WNK1: variants seen among roughly 807,000 people sequenced by gnomAD.
WNK1 encodes the protein WNK lysine deficient protein kinase 1.
WNK1 carries 38 observed loss-of-function variants against 222.8 expected under a neutral mutation model. The ratio of observed to expected loss-of-function variants is 0.17; its 90% confidence interval spans 0.13 to 0.22. WNK1 has a LOEUF of 0.22. Ranked by LOEUF, WNK1 falls within the 10% of genes least tolerant of loss-of-function variation. WNK1 has a pLI of 1.00. For missense variants in WNK1, 2,348 were observed against 2,918.4 expected, an observed-to-expected ratio of 0.80 and a Z score of 4.50; for synonymous variants, 1,090 against 1,092.9, an observed-to-expected ratio of 1.00 and a Z score of 0.05.
At chr12:865,461 T>C in intron 8 of WNK1, 1 of 1,417,582 alleles carries the variant, frequency 7.1e-7, no homozygotes, top group Non-Finnish European at 9.3e-7. Flanking sequence ...AGAACAGGAC[T>C]AAACTTGGTT....
chr12:906,553 T>C, intron 26 of WNK1: 2 of 985,284 alleles, frequency 2.0e-6, no homozygotes, highest in South Asian at 4.7e-5. Context: ...AGGAAAACCA[T>C]GTCTTCCTGA....
At chr12:755,831 C>A (rs964058428) in intron 1 of WNK1, among the ~76,000 whole-genome samples, 1 of 152,112 alleles carries the variant, frequency 6.6e-6, no homozygotes. Context: ...AAAAATTAGC[C>A]GGGTATGGTG....
intron 1 of WNK1, among the ~76,000 whole-genome samples, chr12:805,645 T>C (rs1231533744): frequency 1.3e-5 from 2 of 152,190 alleles, no homozygotes; most frequent in African/African-American, 4.8e-5. Context: ...GCAGAAACTT[T>C]AACTGGTAAA....
intron 4 of WNK1, among the ~76,000 whole-genome samples, chr12:855,988 C>T (rs537657547): frequency 2.5e-4 from 38 of 151,846 alleles, no homozygotes; most frequent in Admixed American, 9.2e-4. Context: ...TACAGGCATG[C>T]GCCACCACGC....
At chr12:899,306 GT>G (rs369595599) in intron 25 of WNK1, among the ~76,000 whole-genome samples, 24 of 20,426 alleles carry the variant, frequency 1.2e-3, no homozygotes, top group Admixed American at 4.3e-3. Context: ...GATCTTTTTT[GT>G]TTTTGTTTTT....
chr12:828,090 G>C (rs964010057), intron 3 of WNK1, among the ~76,000 whole-genome samples: 1 of 151,440 alleles, frequency 6.6e-6, no homozygotes, highest in African/African-American at 2.4e-5. Flanking sequence ...TTGAGGTCAG[G>C]AGTTTGAGAC....
intron 2 of WNK1, among the ~76,000 whole-genome samples, chr12:817,664 C>T (rs961467849): frequency 1.3e-5 from 2 of 152,118 alleles, no homozygotes; most frequent in Non-Finnish European, 2.9e-5. Flanking sequence ...TAAGGCCAGG[C>T]GTGGTAGTTC....
intron 4 of WNK1, among the ~76,000 whole-genome samples, chr12:842,088 A>G (rs1949671577): frequency 6.6e-6 from 1 of 152,230 alleles, no homozygotes; most frequent in Non-Finnish European, 1.5e-5. Context: ...GCACTCATTA[A>G]TATTTTGAAG....
chr12:773,269 A>G (rs2153953548), intron 1 of WNK1, among the ~76,000 whole-genome samples: 1 of 152,240 alleles, frequency 6.6e-6, no homozygotes, highest in South Asian at 2.1e-4. Flanking sequence ...AAAAAAAAAA[A>G]AGTTCTTTAA....
At chr12:820,002 C>A (rs1947709024) in intron 2 of WNK1, among the ~76,000 whole-genome samples, 2 of 152,112 alleles carry the variant, frequency 1.3e-5, no homozygotes, top group South Asian at 4.1e-4. Flanking sequence ...AGTGACTTCT[C>A]CAATTTTGTT....
chr12:763,667 C>T (rs1941329911), intron 1 of WNK1, among the ~76,000 whole-genome samples: 1 of 147,080 alleles, frequency 6.8e-6, no homozygotes, highest in Non-Finnish European at 1.5e-5. Context: ...GGAAGTGAAG[C>T]CTCAAGTAAG....
intron 23 of WNK1, among the ~76,000 whole-genome samples, chr12:895,404 C>T (rs993036288): frequency 3.9e-5 from 6 of 152,072 alleles, no homozygotes; most frequent in African/African-American, 7.2e-5. Flanking sequence ...AAAAATTCTA[C>T]AATGCCTTGC....
At chr12:863,565 A>T (rs16931960) in intron 8 of WNK1, among the ~76,000 whole-genome samples, 13,529 of 151,222 alleles carry the variant, frequency 0.089, 1,319 homozygotes, top group African/African-American at 0.23. Context: ...CTTTTTTTTT[A>T]AAATTTTCTC....
At chr12:788,292 G>C (rs902713698) in intron 1 of WNK1, among the ~76,000 whole-genome samples, 1 of 151,936 alleles carries the variant, frequency 6.6e-6, no homozygotes, top group African/African-American at 2.4e-5. Context: ...TTTCACAATA[G>C]ATTGTCCTTC....
At chr12:904,353 C>A in intron 26 of WNK1, 2 of 944,414 alleles carry the variant, frequency 2.1e-6, no homozygotes, top group Non-Finnish European at 3.0e-6. Context: ...TCACCTCCTG[C>A]TTTCTCTTGC....
At chr12:785,417 C>A in intron 1 of WNK1, among the ~76,000 whole-genome samples, 1 of 135,536 alleles carries the variant, frequency 7.4e-6, no homozygotes, top group East Asian at 2.1e-4. Flanking sequence ...CCCACCCCCT[C>A]GAAGTGGAGT....
At chr12:764,983 G>A (rs1014316992) in intron 1 of WNK1, among the ~76,000 whole-genome samples, 1 of 147,162 alleles carries the variant, frequency 6.8e-6, no homozygotes, top group Non-Finnish European at 1.5e-5. Context: ...TTACAGGCAC[G>A]TGCCACCACA....
chr12:891,429 C>T (rs1038376934), intron 22 of WNK1, among the ~76,000 whole-genome samples: 54 of 152,268 alleles, frequency 3.5e-4, no homozygotes, highest in Middle Eastern at 3.4e-3. Flanking sequence ...TGAGCCACCG[C>T]GCCTGGCTGA....
chr12:878,126 A>G, intron 9 of WNK1, 86 bp from the exon 10 acceptor site: 1 of 1,538,096 alleles, frequency 6.5e-7, no homozygotes, highest in South Asian at 1.1e-5. Context: ...ATTTACAGAC[A>G]CTGAAGGCTT....
Sources: gnomAD v4.1 joint callset for allele counts (sites outside exome capture counted in the v4.1 genomes callset) on GRCh38, gnomAD v4.1.1 for gene constraint, MANE v1.5 for transcripts, NCBI Gene and HGNC (gene_info 2026-07-23, HGNC 2026-07-21) for gene names.